SLC5A5: variants seen among roughly 807,000 people sequenced by gnomAD.
The protein encoded by SLC5A5 is solute carrier family 5 member 5.
A neutral mutation model predicts 68.6 loss-of-function variants in SLC5A5; 56 were observed. That is an observed-to-expected ratio of 0.82 (90% CI 0.66 to 1.02). The LOEUF (loss-of-function observed/expected upper bound fraction) is 1.02, where lower values mean the gene tolerates loss of function less well. SLC5A5 is among the 50% of genes least tolerant of loss of function. The probability of loss-of-function intolerance (pLI) is 0.00; values close to 1 mark genes in which losing one functional copy is unlikely to be tolerated. For missense variants in SLC5A5, 807 were observed against 859.8 expected (o/e 0.94, Z 0.77); for synonymous variants, 398 against 373.0 (o/e 1.07, Z -0.77).
intron 5 of SLC5A5, among the ~76,000 whole-genome samples, chr19:17,876,498 C>G (rs954275561): frequency 6.7e-6 from 1 of 148,834 alleles, no homozygotes; most frequent in African/African-American, 2.5e-5. Flanking sequence ...GAGGCCAAGG[C>G]GGGGGGATCA....
At chr19:17,875,595 C>T (rs529591442) in intron 4 of SLC5A5, among the ~76,000 whole-genome samples, 3 of 148,068 alleles carry the variant, frequency 2.0e-5, no homozygotes, top group Admixed American at 1.3e-4. Context: ...AGACCCCCCC[C>T]CGCCCCCATC....
chr19:17,878,347 A>G (rs1419633730), intron 7 of SLC5A5, among the ~76,000 whole-genome samples: 1 of 152,020 alleles, frequency 6.6e-6, no homozygotes, highest in African/African-American at 2.4e-5. Context: ...TCTACTAAAA[A>G]TATAAAAATT....
chr19:17,893,687 G>A (rs2030288400), intron 14 of SLC5A5, 26 bp from the exon 15 acceptor site: 1 of 1,611,398 alleles, frequency 6.2e-7, no homozygotes, highest in South Asian at 1.1e-5. Flanking sequence ...TCTCTGATGG[G>A]GTCTCTTTTT....
At chr19:17,883,005 A>G (rs1466949808) in intron 10 of SLC5A5, among the ~76,000 whole-genome samples, 1 of 151,810 alleles carries the variant, frequency 6.6e-6, no homozygotes, top group Non-Finnish European at 1.5e-5. Flanking sequence ...TTTTTATTAG[A>G]GATGGGACTT....
intron 5 of SLC5A5, among the ~76,000 whole-genome samples, 192 bp downstream of exon 5, chr19:17,876,298 G>C (rs543912709): frequency 6.6e-6 from 1 of 151,814 alleles, no homozygotes; most frequent in Non-Finnish European, 1.5e-5. Flanking sequence ...GCGTGGTGGT[G>C]CACCTGTGGT....
chr19:17,889,524 T>C (rs2030079537), intron 13 of SLC5A5, among the ~76,000 whole-genome samples: 1 of 151,452 alleles, frequency 6.6e-6, no homozygotes, highest in Non-Finnish European at 1.5e-5. Context: ...CAGACTGGAG[T>C]GCAGTGGCAC....
intron 10 of SLC5A5, among the ~76,000 whole-genome samples, chr19:17,882,635 C>T (rs1444244331): frequency 6.6e-6 from 1 of 151,796 alleles, no homozygotes; most frequent in African/African-American, 2.4e-5. Context: ...GCCTCAGCCT[C>T]CAGAGTAGCT....
Position 17,888,366 on chromosome 19 carries a change from A to C in SLC5A5, c.1562A>C (p.Asp521Ala). ...GACGCCAGCCGACCCGCCTTAGCTG[A>C]CAGCTTCTATGCCATCTCCTATCTC... ...GMDASRPALA[D>A]SFYAISYLYY... is the part of the protein sequence containing the mutation. Residue 521 changes from aspartate to alanine, a missense_variant, in exon 13 of 15, where the codon GAC becomes GCC. Transcript: ENST00000222248. The C allele has an allele frequency of 6.2e-7, 1 of 1,613,958 alleles. No homozygotes were observed. The highest frequency in any genetic ancestry group is 1.1e-5 in the South Asian group (1 of 91,082).
At chr19:17,893,065 T>A (rs987144565) in intron 14 of SLC5A5, among the ~76,000 whole-genome samples, 3 of 151,316 alleles carry the variant, frequency 2.0e-5, no homozygotes, top group African/African-American at 7.3e-5. Flanking sequence ...TTGTTGTCTT[T>A]GTTTTATTTG....
At chr19:17,885,217 C>T (rs750341985) in intron 12 of SLC5A5, among the ~76,000 whole-genome samples, 1 of 151,728 alleles carries the variant, frequency 6.6e-6, no homozygotes, top group Non-Finnish European at 1.5e-5. Flanking sequence ...GGCTATGTTG[C>T]CCAGGCTGGT....
rs761460469 is a variant in SLC5A5, at chr19:17,888,455, G to T, written c.1651G>T (p.Gly551Cys). The change falls in exon 13 of 15, where the codon GGC becomes TGC. Residue 551 changes from glycine (G) to cysteine (C), a missense_variant and splice_region_variant. Gly to Cys is a radical substitution (Grantham distance 159). Transcript: ENST00000222248. ...CGGAGCCCTCATCAGCTGCCTGACA[G>T]GTAGGTAAACAGAGCATGTGGCCTC... ...LCGALISCLT[G>C]PTKRSTLAPG... The T allele has an allele frequency of 6.2e-7, 1 of 1,613,674 alleles. No homozygotes were observed. Among genetic ancestry groups the T allele is most frequent in the Non-Finnish European group, 8.5e-7 (1 of 1,179,964 alleles).
intron 13 of SLC5A5, among the ~76,000 whole-genome samples, 171 bp downstream of exon 13, chr19:17,888,626 C>T (rs1177807716): frequency 1.4e-5 from 2 of 138,990 alleles, no homozygotes; most frequent in African/African-American, 6.1e-5. Flanking sequence ...TTATCATCAT[C>T]ATCATCATCA....
chr19:17,892,601 C>T (rs1270189080), intron 14 of SLC5A5, among the ~76,000 whole-genome samples: 2 of 148,700 alleles, frequency 1.3e-5, no homozygotes, highest in Non-Finnish European at 3.0e-5. Flanking sequence ...TGTGCCATTG[C>T]ACTCCAGCCT....
At chr19:17,875,572 A>G (rs899909172) in intron 4 of SLC5A5, among the ~76,000 whole-genome samples, 111 of 145,000 alleles carry the variant, frequency 7.7e-4, no homozygotes, top group African/African-American at 2.7e-3. Context: ...AGACCAGCCT[A>G]GGCAACATAG....
intron 1 of SLC5A5, 23 bp downstream of exon 1, chr19:17,872,699 T>C: frequency 4.3e-6 from 6 of 1,407,618 alleles, no homozygotes; most frequent in Non-Finnish European, 6.0e-6. Flanking sequence ...GGCCCGGGGG[T>C]AGGACCTGCC....
chr19:17,887,300 T>C lies in SLC5A5; in HGVS notation c.1527-1031T>C, dbSNP rs572893572. ...TTGATGCACAGAAGTTTTTAATTCT[T>C]TTTTTTGGTGGGCGGATGGAGTCTA... On this transcript the variant is annotated intron_variant, in intron 12 of 14. Coordinates refer to ENST00000222248, the MANE Select transcript of SLC5A5 (RefSeq NM_000453.3). 1.4e-4 allele frequency among the ~76,000 whole-genome samples: 22 copies of C among 152,234 alleles called. No homozygotes were observed. In the South Asian group the frequency reaches 4.3e-3, roughly 30 times the overall value.
chr19:17,875,988 C>T lies in SLC5A5; in HGVS notation c.580C>T (p.Gln194Ter). 1 of 1,614,152 alleles carries T rather than the reference C, an allele frequency of 6.2e-7. No individual in the cohort carries two copies. ...GGCTGTGGTCTGGACTGATGTGTTC[C>T]AGGTCGTGGTGATGCTAAGTGGCTT... Reference protein sequence around the residue: ...MKAVVWTDVFQVVVMLSGFWV... With the variant: ...MKAVVWTDVF The change falls in exon 5 of 15, where the codon CAG becomes TAG. Residue 194 changes from glutamine (Q) to a stop codon, truncating the protein, a stop_gained. Transcript: ENST00000222248. LOFTEE classifies it high-confidence loss of function.
At chr19:17,889,441 G>GGAAA (rs1555754799) in intron 13 of SLC5A5, among the ~76,000 whole-genome samples, 1 of 146,194 alleles carries the variant, frequency 6.8e-6, no homozygotes, top group Non-Finnish European at 1.5e-5. Context: ...AAGGAAGGAA[G>GGAAA]GAAAGAGAAA....
Position 17,883,858 on chromosome 19 carries a change from C to T in SLC5A5, c.1338C>T (p.Leu446=). 1 of 1,595,366 alleles carries T rather than the reference C, an allele frequency of 6.3e-7. No individual in the cohort carries two copies. Among genetic ancestry groups the T allele is most frequent in the Non-Finnish European group, 8.5e-7 (1 of 1,171,954 alleles). Residue 446 remains leucine, a synonymous_variant, in exon 12 of 15, where the codon CTC becomes CTT. Transcript: ENST00000222248. Reference sequence around the variant, plus strand: ...GCCGGCTCTGCCCCCAGGGCGTCCTCGCGGGACTAGGCGCGGGCTTGGCGC... The same window carrying T: ...GCCGGCTCTGCCCCCAGGGCGTCCTTGCGGGACTAGGCGCGGGCTTGGCGC... ...FLPACNTPGV[L]AGLGAGLALS... is the part of the protein sequence containing the mutation.
Sources: gnomAD v4.1 joint callset for allele counts (sites outside exome capture counted in the v4.1 genomes callset) on GRCh38, gnomAD v4.1.1 for gene constraint, MANE v1.5 for transcripts, NCBI Gene and HGNC (gene_info 2026-07-23, HGNC 2026-07-21) for gene names.